Variants in TAF3 observed in about 807,000 individuals in gnomAD.
TAF3 encodes TATA-box binding protein associated factor 3, also known as transcription initiation factor TFIID subunit 3.
Under a neutral mutation model 80.6 loss-of-function variants are expected in TAF3, and 7 were observed. The ratio of observed to expected loss-of-function variants is 0.09; its 90% confidence interval spans 0.05 to 0.16. TAF3 has a LOEUF of 0.16. Ranked by LOEUF, TAF3 falls within the 10% of genes least tolerant of loss-of-function variation. TAF3 has a pLI of 1.00. For missense variants in TAF3, 921 were observed against 1,140.2 expected, an observed-to-expected ratio of 0.81 and a Z score of 2.77; for synonymous variants, 444 against 446.1, an observed-to-expected ratio of 1.00 and a Z score of 0.06.
At chr10:7,949,143 T>G (rs891788071) in intron 2 of TAF3, among the ~76,000 whole-genome samples, 1 of 152,210 alleles carries the variant, frequency 6.6e-6, no homozygotes, top group Admixed American at 6.5e-5. Context: ...ATTGTGTGAG[T>G]GTCTGTGCGT....
At chr10:7,943,842 C>T (rs1374669127) in intron 2 of TAF3, among the ~76,000 whole-genome samples, 1 of 152,166 alleles carries the variant, frequency 6.6e-6, no homozygotes, top group African/African-American at 2.4e-5. Flanking sequence ...CCATCTATTA[C>T]CACAGATAGT....
At chr10:7,854,919 A>C (rs1297910049) in intron 2 of TAF3, among the ~76,000 whole-genome samples, 4 of 152,228 alleles carry the variant, frequency 2.6e-5, no homozygotes, top group Non-Finnish European at 4.4e-5. Flanking sequence ...AACACTTTTG[A>C]CTTCTGGTTG....
intron 2 of TAF3, among the ~76,000 whole-genome samples, chr10:7,955,335 A>G (rs1188210266): frequency 6.6e-6 from 1 of 152,256 alleles, no homozygotes; most frequent in Non-Finnish European, 1.5e-5. Flanking sequence ...TAATTTCTAC[A>G]TCTGCATACA....
chr10:7,951,743 A>G (rs1838085016), intron 2 of TAF3, among the ~76,000 whole-genome samples: 1 of 152,118 alleles, frequency 6.6e-6, no homozygotes, highest in South Asian at 2.1e-4. Flanking sequence ...TTTTTTACAT[A>G]CTTTGTCTTA....
At chr10:7,941,576 T>C (rs1475151770) in intron 2 of TAF3, among the ~76,000 whole-genome samples, 1 of 152,218 alleles carries the variant, frequency 6.6e-6, no homozygotes, top group Non-Finnish European at 1.5e-5. Flanking sequence ...GCCACTGCCC[T>C]CTGCTTCGCC....
intron 2 of TAF3, among the ~76,000 whole-genome samples, chr10:7,887,537 G>A (rs923416402): frequency 1.1e-4 from 17 of 151,984 alleles, no homozygotes; most frequent in African/African-American, 3.6e-4. Context: ...AAAGGAAGCC[G>A]GAGATGAGAG....
intron 2 of TAF3, among the ~76,000 whole-genome samples, chr10:7,953,624 G>A (rs1413976817): frequency 6.6e-6 from 1 of 152,286 alleles, no homozygotes; most frequent in South Asian, 2.1e-4. Flanking sequence ...CCTTGATGTG[G>A]CTCCGTGTGT....
chr10:7,994,288 C>G (rs1831862932), intron 4 of TAF3, among the ~76,000 whole-genome samples: 1 of 151,856 alleles, frequency 6.6e-6, no homozygotes, highest in African/African-American at 2.4e-5. Flanking sequence ...TTCCACAGAT[C>G]TGGAATTAGC....
chr10:7,856,880 A>G lies in TAF3; in HGVS notation c.409+32320A>G, dbSNP rs972070024. On this transcript the variant is annotated intron_variant, in intron 2 of 6. Coordinates refer to ENST00000344293, the MANE Select transcript of TAF3 (RefSeq NM_031923.4). ...TCTCAAAAAAAAAAAAAAAAAAAAA[A>G]GCAGAAAGAATGCTTCACAAGTTTA... 7.7e-5 allele frequency among the ~76,000 whole-genome samples: 11 copies of G among 142,586 alleles called. 1 individual carries two copies. In the East Asian group the frequency reaches 1.4e-3, roughly 18 times the overall value. 93.5% of individuals were successfully genotyped at this position (142,586 alleles called of 152,430 possible). A position where few individuals can be genotyped will look rare whatever the true frequency, so the allele number is the denominator to read the frequency against.
chr10:7,888,975 T>A (rs1455807197), intron 2 of TAF3, among the ~76,000 whole-genome samples: 1 of 152,268 alleles, frequency 6.6e-6, no homozygotes, highest in African/African-American at 2.4e-5. Context: ...CTATAATTTA[T>A]AAGGATACAT....
intron 2 of TAF3, among the ~76,000 whole-genome samples, chr10:7,887,706 G>C (rs1021538931): frequency 2.0e-5 from 3 of 152,000 alleles, no homozygotes; most frequent in Non-Finnish European, 4.4e-5. Flanking sequence ...TCAAGAAAAG[G>C]CTTCAATCCA....
chr10:7,966,419 C>T (rs545994798), intron 3 of TAF3, among the ~76,000 whole-genome samples: 1 of 152,312 alleles, frequency 6.6e-6, no homozygotes, highest in South Asian at 2.1e-4. Context: ...CATTTCATAG[C>T]ATACAGCCCG....
At chr10:7,999,309 T>C (rs753262720) in intron 4 of TAF3, among the ~76,000 whole-genome samples, 26 of 151,954 alleles carry the variant, frequency 1.7e-4, no homozygotes, top group Admixed American at 3.9e-4. Context: ...GACTGTCTAA[T>C]GTGGATGAGA....
chr10:7,892,534 A>G (rs922448513), intron 2 of TAF3, among the ~76,000 whole-genome samples: 1 of 152,258 alleles, frequency 6.6e-6, no homozygotes, highest in Non-Finnish European at 1.5e-5. Flanking sequence ...AGCATATAGC[A>G]TTTTATATCT....
chr10:8,014,848 C>G lies in TAF3; in HGVS notation c.*97C>G. On this transcript the variant is annotated 3_prime_UTR_variant, in exon 7 of 7. Coordinates refer to ENST00000344293, the MANE Select transcript of TAF3 (RefSeq NM_031923.4). ...TGCAAGTCTGCCGTCACATCCACCC[C>G]CAGATGCCTGTGGATAAAGAACCCA... The G allele has an allele frequency of 7.6e-6, 8 of 1,050,092 alleles. No homozygotes were observed. The highest frequency in any genetic ancestry group is 1.1e-5 in the Non-Finnish European group (8 of 728,498). The allele number at this position is 1,050,092 out of a possible 1,614,324, so 65.0% of individuals were successfully genotyped here. A position where few individuals can be genotyped will look rare whatever the true frequency, so the allele number is the denominator to read the frequency against.
At chr10:7,828,102 G>A (rs78839887) in intron 2 of TAF3, among the ~76,000 whole-genome samples, 3,339 of 152,238 alleles carry the variant, frequency 0.022, 44 homozygotes, top group Middle Eastern at 0.054. Flanking sequence ...GCATTCAGTG[G>A]CACACCCATA....
chr10:7,987,015 G>C (rs1186103108), intron 4 of TAF3, among the ~76,000 whole-genome samples: 1 of 152,002 alleles, frequency 6.6e-6, no homozygotes, highest in Non-Finnish European at 1.5e-5. Flanking sequence ...GTGTATTTCA[G>C]CAATTTTTAT....
At chr10:7,837,357 A>AG (rs201963985) in intron 2 of TAF3, among the ~76,000 whole-genome samples, 16 of 150,326 alleles carry the variant, frequency 1.1e-4, no homozygotes, top group South Asian at 2.1e-4. Context: ...AAAAAAAAAA[A>AG]GTCAGCTGGG....
At chr10:7,831,695 A>G (rs9787560) in intron 2 of TAF3, among the ~76,000 whole-genome samples, 25,845 of 151,966 alleles carry the variant, frequency 0.17, 2,646 homozygotes, top group East Asian at 0.51. Flanking sequence ...ATCTTTGGCC[A>G]GTGGCAGCTT....
Sources: gnomAD v4.1 joint callset for allele counts (sites outside exome capture counted in the v4.1 genomes callset) on GRCh38, gnomAD v4.1.1 for gene constraint, MANE v1.5 for transcripts, NCBI Gene and HGNC (gene_info 2026-07-23, HGNC 2026-07-21) for gene names.